Variants in CAMKMT observed in about 807,000 individuals in gnomAD.
CAMKMT encodes calmodulin-lysine N-methyltransferase, also known as CaM KMT.
In CAMKMT, 53 loss-of-function variants were observed where a neutral mutation model predicts 48.0. That is an observed-to-expected ratio of 1.10 (90% CI 0.89 to 1.39). The LOEUF (loss-of-function observed/expected upper bound fraction) is 1.39, where lower values mean the gene tolerates loss of function less well. Among genes scored for constraint, CAMKMT ranks in the 40% most tolerant of loss-of-function variants. The pLI, the probability that CAMKMT is intolerant of heterozygous loss-of-function variation, is 0.00. For synonymous variants in CAMKMT, 165 were observed against 152.3 expected, an observed-to-expected ratio of 1.08 and a Z score of -0.61; for missense variants, 428 against 402.7, an observed-to-expected ratio of 1.06 and a Z score of -0.54.
chr2:44,597,252 C>A (rs373958133), intron 3 of CAMKMT, among the ~76,000 whole-genome samples: 6 of 152,166 alleles, frequency 3.9e-5, no homozygotes, highest in African/African-American at 1.4e-4. Flanking sequence ...AGTTAACTCT[C>A]TATATAACTA....
intron 4 of CAMKMT, 127 bp from the exon 5 acceptor site, chr2:44,706,160 T>C: frequency 1.2e-6 from 1 of 817,644 alleles, no homozygotes; most frequent in Non-Finnish European, 2.0e-6. Flanking sequence ...AGCCTAGTCA[T>C]GTCTCTACAA....
chr2:44,471,597 C>T (rs556071550), intron 3 of CAMKMT, among the ~76,000 whole-genome samples: 6 of 151,948 alleles, frequency 3.9e-5, no homozygotes, highest in African/African-American at 1.4e-4. Context: ...AAGACCCTGT[C>T]TCAGAAAAAA....
chr2:44,624,392 A>G (rs1415977478), intron 3 of CAMKMT, among the ~76,000 whole-genome samples: 6 of 151,924 alleles, frequency 3.9e-5, no homozygotes, highest in African/African-American at 1.5e-4. Flanking sequence ...TTTGTTACAT[A>G]TGTATACATG....
chr2:44,687,706 A>G (rs1165316423), intron 3 of CAMKMT, among the ~76,000 whole-genome samples: 1 of 152,250 alleles, frequency 6.6e-6, no homozygotes, highest in Admixed American at 6.5e-5. Context: ...TAAACCAGGG[A>G]TTGGTTTTGA....
intron 2 of CAMKMT, among the ~76,000 whole-genome samples, chr2:44,376,223 CA>C (rs1458717463): frequency 2.2e-4 from 34 of 151,994 alleles, no homozygotes; most frequent in African/African-American, 7.2e-4. Flanking sequence ...CCAGCCTGGC[CA>C]ACATGCTGAA....
rs1197827918 is a variant in CAMKMT at position 44,587,572 on chromosome 2, C to T, written c.377-116711C>T. On this transcript the variant is annotated intron_variant, in intron 3 of 10. Transcript: ENST00000378494. Reference sequence around the variant, plus strand: ...TGCCATCTCGGCTCACTGCAACCTCCCTGCCTGATTCTCCTGCCTCAGCCT... The same window carrying T: ...TGCCATCTCGGCTCACTGCAACCTCTCTGCCTGATTCTCCTGCCTCAGCCT... 5.6e-4 allele frequency among the ~76,000 whole-genome samples: 79 copies of T among 142,190 alleles called. 1 individual carries two copies. In the East Asian group the frequency reaches 0.012, roughly 22 times the overall value. 93.3% of individuals were successfully genotyped at this position (142,190 alleles called of 152,430 possible). A position where few individuals can be genotyped will look rare whatever the true frequency, so the allele number is the denominator to read the frequency against.
intron 10 of CAMKMT, among the ~76,000 whole-genome samples, chr2:44,771,336 A>G (rs950524352): frequency 3.3e-5 from 5 of 152,206 alleles, no homozygotes; most frequent in African/African-American, 1.2e-4. Flanking sequence ...GCTAGAATAA[A>G]TATAAATATA....
intron 3 of CAMKMT, among the ~76,000 whole-genome samples, chr2:44,538,722 G>A (rs56184324): frequency 0.71 from 107,981 of 151,622 alleles, 39,025 homozygotes; most frequent in Middle Eastern, 0.77. Context: ...TCACCACTGT[G>A]GAATTCAACC....
At chr2:44,515,373 T>C (rs749032317) in intron 3 of CAMKMT, among the ~76,000 whole-genome samples, 10 of 152,158 alleles carry the variant, frequency 6.6e-5, no homozygotes, top group Non-Finnish European at 1.2e-4. Context: ...GTCAAAATGC[T>C]TACAATCTGG....
chr2:44,510,070 T>A (rs918865523), intron 3 of CAMKMT, among the ~76,000 whole-genome samples: 2 of 152,238 alleles, frequency 1.3e-5, no homozygotes, highest in African/African-American at 4.8e-5. Context: ...ATAGAATAAT[T>A]ATTGAAATCT....
intron 9 of CAMKMT, among the ~76,000 whole-genome samples, chr2:44,762,142 TGA>T (rs1001224617): frequency 2.8e-4 from 43 of 152,190 alleles, no homozygotes; most frequent in African/African-American, 9.9e-4. Context: ...ACAGAGAGAC[TGA>T]GAGAGATGCC....
At chr2:44,384,466 A>G (rs1680567462) in intron 2 of CAMKMT, among the ~76,000 whole-genome samples, 1 of 144,316 alleles carries the variant, frequency 6.9e-6, no homozygotes, top group South Asian at 2.2e-4. Context: ...GCTGTACAAA[A>G]GCTCCTTAGT....
chr2:44,411,126 A>T (rs1452345022), intron 3 of CAMKMT, among the ~76,000 whole-genome samples: 1 of 152,158 alleles, frequency 6.6e-6, no homozygotes, highest in Non-Finnish European at 1.5e-5. Context: ...TAGTTTTTTA[A>T]AATACTTCTC....
chr2:44,425,333 T>C (rs887038684), intron 3 of CAMKMT, among the ~76,000 whole-genome samples: 62 of 152,306 alleles, frequency 4.1e-4, no homozygotes, highest in African/African-American at 1.4e-3. Flanking sequence ...TAACCATTAT[T>C]ATAACAACCA....
chr2:44,743,774 G>C, intron 8 of CAMKMT, 78 bp downstream of exon 8: 1 of 1,088,624 alleles, frequency 9.2e-7, no homozygotes, highest in Non-Finnish European at 1.4e-6. Flanking sequence ...TTGCTTAGCT[G>C]ACGGCTAAGC....
chr2:44,602,772 T>C (rs1296145255), intron 3 of CAMKMT, among the ~76,000 whole-genome samples: 2 of 152,036 alleles, frequency 1.3e-5, no homozygotes, highest in African/African-American at 4.8e-5. Flanking sequence ...GAGAATAGCA[T>C]GAGGAAAATT....
At chr2:44,621,348 A>T (rs185381878) in intron 3 of CAMKMT, among the ~76,000 whole-genome samples, 10 of 151,580 alleles carry the variant, frequency 6.6e-5, no homozygotes, top group Non-Finnish European at 1.2e-4. Flanking sequence ...AACTCTACTC[A>T]TGTTCCTGAC....
intron 3 of CAMKMT, among the ~76,000 whole-genome samples, chr2:44,468,562 C>T (rs1668248324): frequency 6.6e-6 from 1 of 152,164 alleles, no homozygotes; most frequent in East Asian, 1.9e-4. Context: ...ATGTTTATTG[C>T]AGCACTGTTC....
intron 3 of CAMKMT, among the ~76,000 whole-genome samples, chr2:44,570,105 A>G (rs17032375): frequency 0.028 from 4,240 of 152,304 alleles, 189 homozygotes; most frequent in African/African-American, 0.096. Flanking sequence ...TGTATTTAAC[A>G]GAAAATATCC....
Sources: gnomAD v4.1 joint callset for allele counts (sites outside exome capture counted in the v4.1 genomes callset) on GRCh38, gnomAD v4.1.1 for gene constraint, MANE v1.5 for transcripts, NCBI Gene and HGNC (gene_info 2026-07-23, HGNC 2026-07-21) for gene names.